Variants in MTMR2 observed in about 807,000 individuals in gnomAD.
The protein encoded by MTMR2 is phosphatidylinositol-3,5-bisphosphate 3-phosphatase MTMR2.
MTMR2 carries 55 observed loss-of-function variants against 86.9 expected under a neutral mutation model. The observed-to-expected ratio is 0.63, with a 90% CI of 0.51 to 0.79. The LOEUF (loss-of-function observed/expected upper bound fraction) is 0.79. MTMR2 is among the 30% of genes least tolerant of loss of function. The pLI, the probability that MTMR2 is intolerant of heterozygous loss-of-function variation, is 0.00. For missense variants in MTMR2, 659 were observed against 772.3 expected (o/e 0.85, Z 1.74); for synonymous variants, 241 against 266.8 (o/e 0.90, Z 0.94).
intron 3 of MTMR2, 145 bp downstream of exon 3, chr11:95,865,456 A>G: frequency 2.5e-6 from 2 of 803,232 alleles, no homozygotes; most frequent in Non-Finnish European, 4.4e-6. Flanking sequence ...AGAACACACT[A>G]AGATGCTGAG....
At chr11:95,911,863 C>A (rs935144422) in intron 1 of MTMR2, among the ~76,000 whole-genome samples, 1 of 152,106 alleles carries the variant, frequency 6.6e-6, no homozygotes, top group Admixed American at 6.6e-5. Flanking sequence ...GAAAAATGAT[C>A]TGTCATGTAA....
intron 2 of MTMR2, among the ~76,000 whole-genome samples, chr11:95,867,939 C>T (rs1238238250): frequency 6.6e-6 from 1 of 151,814 alleles, no homozygotes; most frequent in Admixed American, 6.6e-5. Context: ...GTACTTGGCA[C>T]ACTCAAAAGG....
intron 7 of MTMR2, among the ~76,000 whole-genome samples, chr11:95,855,007 A>G (rs1864158438): frequency 6.7e-6 from 1 of 150,274 alleles, no homozygotes; most frequent in South Asian, 2.1e-4. Context: ...ACAGGGTTTC[A>G]CCATGTTGCC....
intron 2 of MTMR2, among the ~76,000 whole-genome samples, chr11:95,869,404 A>G (rs1864765124): frequency 6.6e-6 from 1 of 152,122 alleles, no homozygotes; most frequent in Admixed American, 6.6e-5. Context: ...CCTTTTACCA[A>G]AATGGCCTAT....
intron 1 of MTMR2, among the ~76,000 whole-genome samples, chr11:95,896,232 C>T (rs1420369723): frequency 6.6e-6 from 1 of 152,092 alleles, no homozygotes; most frequent in Non-Finnish European, 1.5e-5. Flanking sequence ...TCTCATAGCA[C>T]TTTGTGCTTT....
intron 1 of MTMR2, among the ~76,000 whole-genome samples, chr11:95,907,492 GA>G (rs1215912966): frequency 6.6e-6 from 1 of 151,930 alleles, no homozygotes; most frequent in Non-Finnish European, 1.5e-5. Flanking sequence ...AAATGAGGAG[GA>G]AGGACTCCCT....
intron 1 of MTMR2, among the ~76,000 whole-genome samples, chr11:95,917,704 C>T (rs1866760408): frequency 1.3e-5 from 2 of 152,042 alleles, no homozygotes; most frequent in South Asian, 2.1e-4. Context: ...AAGACAATCA[C>T]AAAGAAAAGA....
At chr11:95,835,541 T>C in intron 14 of MTMR2, 90 bp from the exon 15 acceptor site, 1 of 1,386,656 alleles carries the variant, frequency 7.2e-7, no homozygotes, top group Non-Finnish European at 1.0e-6. Flanking sequence ...GTATGTTTTT[T>C]CAGCTGTTGG....
chr11:95,875,815 A>G (rs1278194016), intron 2 of MTMR2, among the ~76,000 whole-genome samples: 2 of 152,108 alleles, frequency 1.3e-5, no homozygotes, highest in Admixed American at 6.5e-5. Flanking sequence ...TTTTCCTTCT[A>G]ACAGTCAGGA....
intron 9 of MTMR2, among the ~76,000 whole-genome samples, 167 bp downstream of exon 9, chr11:95,849,507 A>C (rs1051706074): frequency 6.6e-6 from 1 of 152,164 alleles, no homozygotes; most frequent in Non-Finnish European, 1.5e-5. Context: ...TTGAGGTCTA[A>C]AGAGGTTAAA....
chr11:95,850,632 C>T lies in MTMR2; in HGVS notation c.772G>A (p.Val258Met), dbSNP rs1863979779. The change falls in exon 8 of 15, where the codon GTG (valine) becomes ATG (methionine). Residue 258 changes from valine to methionine, a missense_variant. Val to Met is a conservative substitution (Grantham distance 21, BLOSUM62 1). This residue lies in a region of MTMR2 where 387 missense variants were observed against 526.3 expected (regional missense o/e 0.74). Transcript: ENST00000346299. ...ANIPDEELKR[V>M]ASFRSRGRIP... ...CGGCCTCTTGATCTGAAGGATGCCA[C>T]TCTCTTTAATTCTTCATCAGGAATA... The T allele has an allele frequency of 1.2e-6, 2 of 1,614,116 alleles. No individual in the cohort carries two copies. Among genetic ancestry groups the T allele is most frequent in the Non-Finnish European group, 8.5e-7 (1 of 1,179,986 alleles).
chr11:95,875,329 G>A (rs369587457), intron 2 of MTMR2, among the ~76,000 whole-genome samples: 7 of 151,734 alleles, frequency 4.6e-5, no homozygotes, highest in Non-Finnish European at 1.5e-5. Context: ...TTCTCTTCTC[G>A]CTTCATTTCA....
intron 1 of MTMR2, among the ~76,000 whole-genome samples, chr11:95,900,949 G>T (rs1176518195): frequency 6.6e-6 from 1 of 152,084 alleles, no homozygotes; most frequent in Admixed American, 6.5e-5. Context: ...TAACCTCTGT[G>T]CATTATTTGA....
At chr11:95,918,699 T>A (rs550807784) in intron 1 of MTMR2, among the ~76,000 whole-genome samples, 20 of 152,352 alleles carry the variant, frequency 1.3e-4, no homozygotes, top group Non-Finnish European at 2.2e-4. Flanking sequence ...TTTACAGCTA[T>A]AATTTCTACC....
rs766722493 is a variant in MTMR2, at chr11:95,836,239, G to A, written c.1679C>T (p.Ser560Phe). Residue 560 changes from serine to phenylalanine, a missense_variant, in exon 14 of 15, where the codon TCC (serine) becomes TTC (phenylalanine). Physicochemically the swap from Ser to Phe is radical, Grantham distance 155. Coordinates refer to ENST00000346299, the MANE Select transcript of MTMR2 (RefSeq NM_016156.6). The part of the protein sequence containing the change: ...DFTNPLYGSY[S>F]NHVLYPVASM... ...GGCTACTGGATAAAGGACATGATTG[G>A]AATAGCTCCCATAGAGAGGATTAGT... 1.2e-6 allele frequency: 2 copies of A among 1,612,908 alleles called. No individual in the cohort carries two copies. Among genetic ancestry groups the A allele is most frequent in the African/African-American group, 1.3e-5 (1 of 74,922 alleles).
chr11:95,836,081 T>A, intron 14 of MTMR2, 67 bp downstream of exon 14: 5 of 1,430,442 alleles, frequency 3.5e-6, no homozygotes, highest in Non-Finnish European at 4.9e-6. Context: ...TCTTTCCAGC[T>A]GCTTTTAAGG....
Position 95,924,095 on chromosome 11 carries a change from TC to T in MTMR2, c.-142del. ...GGAGGGAGACCGGAAGCGGCCATGT[TC>T]CCCCAGAGTGCACCGCGCCTGTAGG... is the stretch of plus-strand genomic sequence containing the variant. On this transcript the variant is annotated 5_prime_UTR_variant, in exon 1 of 15. Transcript: ENST00000346299. 2 of 1,071,778 alleles carry T rather than the reference TC, an allele frequency of 1.9e-6. No homozygotes were observed. The highest frequency in any genetic ancestry group is 2.8e-6 in the Non-Finnish European group (2 of 721,472). The allele number at this position is 1,071,778 out of a possible 1,614,324, so 66.4% of individuals were successfully genotyped here.
At position 95,854,585 on chromosome 11, in the gene MTMR2, C is replaced by A. The variant is rs563934367; in HGVS notation, c.654+2967G>T. Reference sequence around the variant, plus strand: ...GGCTCAAGCAATCCTCCCACATCCGCCTCCAGAGTAGCTAGGACTTCAGGC... The same window carrying A: ...GGCTCAAGCAATCCTCCCACATCCGACTCCAGAGTAGCTAGGACTTCAGGC... On this transcript the variant is annotated intron_variant, in intron 7 of 14. Transcript: ENST00000346299. Among the ~76,000 whole-genome samples the A allele has an allele frequency of 2.6e-5, 4 of 152,182 alleles. No homozygotes were observed. In the East Asian group the frequency reaches 7.8e-4, roughly 30 times the overall value.
chr11:95,906,676 A>T (rs1866289486), intron 1 of MTMR2, among the ~76,000 whole-genome samples: 1 of 152,226 alleles, frequency 6.6e-6, no homozygotes, highest in Non-Finnish European at 1.5e-5. Flanking sequence ...AACCAAATTC[A>T]TATCAACCAT....
Sources: gnomAD v4.1 joint callset for allele counts (sites outside exome capture counted in the v4.1 genomes callset) on GRCh38, gnomAD v4.1.1 for gene constraint, gnomAD v4.1.1 regional missense constraint, MANE v1.5 for transcripts, NCBI Gene and HGNC (gene_info 2026-07-23, HGNC 2026-07-21) for gene names.